The following SMARCA2 variants were observed in gnomAD, a reference collection of about 807,000 sequenced individuals.
SMARCA2 encodes the protein SWI/SNF related BAF chromatin remodeling complex subunit ATPase 2, also known as SWI/SNF-related matrix-associated actin-dependent regulator of chromatin subfamily A member 2.
A neutral mutation model predicts 199.8 loss-of-function variants in SMARCA2; 61 were observed. That is an observed-to-expected ratio of 0.31 (90% CI 0.25 to 0.38). The LOEUF (loss-of-function observed/expected upper bound fraction) is 0.38, where lower values mean the gene tolerates loss of function less well. Among genes scored for constraint, SMARCA2 ranks in the 10% least tolerant of loss-of-function variants. The pLI, the probability that SMARCA2 is intolerant of heterozygous loss-of-function variation, is 1.00. For synonymous variants in SMARCA2, 935 were observed against 732.0 expected, an observed-to-expected ratio of 1.28 and a Z score of -4.48; for missense variants, 1,344 against 2,012.2, an observed-to-expected ratio of 0.67 and a Z score of 6.35.
At chr9:2,018,562 A>C (rs573551400) in intron 1 of SMARCA2, among the ~76,000 whole-genome samples, 1 of 152,234 alleles carries the variant, frequency 6.6e-6, no homozygotes, top group Non-Finnish European at 1.5e-5. Flanking sequence ...GGTTATTTTT[A>C]ACATTTCTGC....
chr9:2,154,631 A>G (rs1335021554), intron 27 of SMARCA2, among the ~76,000 whole-genome samples: 1 of 152,226 alleles, frequency 6.6e-6, no homozygotes, highest in East Asian at 1.9e-4. Context: ...GGCCTATCCC[A>G]GGGAAGCCCA....
At chr9:2,144,283 G>A (rs780872656) in intron 27 of SMARCA2, among the ~76,000 whole-genome samples, 23 of 152,146 alleles carry the variant, frequency 1.5e-4, no homozygotes, top group Admixed American at 6.5e-4. Flanking sequence ...GGAAACAGTT[G>A]TGTTTCTGTT....
At chr9:2,142,466 T>C (rs1824510774) in intron 27 of SMARCA2, among the ~76,000 whole-genome samples, 1 of 152,160 alleles carries the variant, frequency 6.6e-6, no homozygotes. Context: ...CTCTCCTGAT[T>C]TCTCAGAAGG....
intron 8 of SMARCA2, among the ~76,000 whole-genome samples, chr9:2,059,494 T>C (rs79221613): frequency 2.1e-4 from 32 of 152,324 alleles, no homozygotes; most frequent in Non-Finnish European, 3.8e-4. Context: ...ATTTGATCAC[T>C]AAGCAGTCAA....
chr9:2,115,917 C>T lies in SMARCA2; in HGVS notation c.3552C>T (p.Ile1184=), dbSNP rs1473917937. The change falls in exon 25 of 34, where the codon ATC becomes ATT. Residue 1184 remains isoleucine (I), a synonymous_variant. Coordinates refer to ENST00000349721, the MANE Select transcript of SMARCA2 (RefSeq NM_003070.5). This position sits in a 1 kb window ranked among gnomAD's most constrained non-coding sequence, Gnocchi z 6.0. ...CCGTGAACAGCGTGGAGGAAAAGAT[C>T]CTCGCGGCCGCAAAATACAAGCTGA... The part of the protein sequence containing the change: ...LCTVNSVEEK[I]LAAAKYKLNV... The T allele has an allele frequency of 1.2e-6, 2 of 1,614,064 alleles. No individual in the cohort carries two copies. The highest frequency in any genetic ancestry group is 1.1e-5 in the South Asian group (1 of 91,072).
intron 27 of SMARCA2, among the ~76,000 whole-genome samples, chr9:2,140,540 C>A (rs529026761): frequency 1.3e-5 from 2 of 152,148 alleles, no homozygotes; most frequent in African/African-American, 4.8e-5. Context: ...ATCACAACCC[C>A]CAAACGCCTG....
chr9:2,028,994 C>G lies in SMARCA2; in HGVS notation c.-29C>G, dbSNP rs1363531090. 1 of 1,546,510 alleles carries G rather than the reference C, an allele frequency of 6.5e-7. No homozygotes were observed. The highest frequency in any genetic ancestry group is 8.7e-7 in the Non-Finnish European group (1 of 1,146,300). ...TTCTGCTTTTCAACTTAGCATTACTCTACTGACTGGCAGAGACAGGAGAGG... is the reference window on the plus strand; with the variant it reads ...TTCTGCTTTTCAACTTAGCATTACTGTACTGACTGGCAGAGACAGGAGAGG... On this transcript the variant is annotated 5_prime_UTR_variant, in exon 2 of 34. Transcript: ENST00000349721.
At chr9:2,026,972 G>C (rs1331560294) in intron 1 of SMARCA2, among the ~76,000 whole-genome samples, 20 of 152,108 alleles carry the variant, frequency 1.3e-4, no homozygotes, top group Admixed American at 7.2e-4. Context: ...ACTTGTACTG[G>C]GTTCCCTTAG....
chr9:2,160,149 G>A (rs1039322945), intron 27 of SMARCA2: 1 of 507,194 alleles, frequency 2.0e-6, no homozygotes, highest in Non-Finnish European at 3.5e-6. Flanking sequence ...GCTGCAGTGT[G>A]TTTAGCTGTA....
chr9:2,192,912 CACACAT>C lies in SMARCA2; in HGVS notation c.*179_*184del, dbSNP rs1420299036. On this transcript the variant is annotated 3_prime_UTR_variant, in exon 34 of 34. Transcript: ENST00000349721. ...ATATGATATCATGGTGTAAAAAACACACACATACACAAATATTTGTAACATATTGTG... is the reference window on the plus strand; with the variant it reads ...ATATGATATCATGGTGTAAAAAACACACACAAATATTTGTAACATATTGTG... 1 of 573,072 alleles carries C rather than the reference CACACAT, an allele frequency of 1.7e-6. No individual in the cohort carries two copies. Among genetic ancestry groups the C allele is most frequent in the Admixed American group, 3.3e-5 (1 of 29,870 alleles). The allele number at this position is 573,072 out of a possible 1,614,324, so 35.5% of individuals were successfully genotyped here. A position where few individuals can be genotyped will look rare whatever the true frequency, so the allele number is the denominator to read the frequency against.
chr9:2,031,697 T>G (rs566281815), intron 2 of SMARCA2, among the ~76,000 whole-genome samples: 5 of 152,282 alleles, frequency 3.3e-5, no homozygotes, highest in Non-Finnish European at 5.9e-5. Flanking sequence ...ATTCTGTGAG[T>G]TTTGCATTTT....
intron 31 of SMARCA2, among the ~76,000 whole-genome samples, chr9:2,183,638 G>A (rs62536680): frequency 2.6e-5 from 4 of 151,626 alleles, no homozygotes; most frequent in African/African-American, 4.8e-5. Context: ...ATCAAACAAA[G>A]GAATAGAGAA....
At chr9:2,166,734 G>A (rs1276380328) in intron 28 of SMARCA2, among the ~76,000 whole-genome samples, 1 of 152,156 alleles carries the variant, frequency 6.6e-6, no homozygotes, top group African/African-American at 2.4e-5. Flanking sequence ...AATCACTTCA[G>A]GTTGACATGA....
intron 19 of SMARCA2, 182 bp from the exon 20 acceptor site, chr9:2,096,475 C>T (rs1345353685): frequency 1.9e-6 from 1 of 530,322 alleles, no homozygotes; most frequent in African/African-American, 1.9e-5. Flanking sequence ...CATAATGGTA[C>T]CTTGAACAAT....
intron 27 of SMARCA2, among the ~76,000 whole-genome samples, chr9:2,139,451 A>G (rs1824362538): frequency 1.3e-5 from 2 of 152,200 alleles, no homozygotes; most frequent in South Asian, 4.1e-4. Flanking sequence ...AGTCACCAAC[A>G]CTGGTGTGAT....
At chr9:2,139,215 A>C (rs1407071336) in intron 27 of SMARCA2, among the ~76,000 whole-genome samples, 1 of 152,216 alleles carries the variant, frequency 6.6e-6, no homozygotes, top group Admixed American at 6.5e-5. Context: ...CGGTAAAGAA[A>C]GAGTTTAATT....
Position 2,082,305 on chromosome 9 carries a change from A to AGG in SMARCA2, c.2348+311_2348+312dup, listed in dbSNP as rs200912471. 0.12 allele frequency among the ~76,000 whole-genome samples: 14,249 copies of AGG among 114,178 alleles called. 740 individuals are homozygous for AGG. Among genetic ancestry groups the AGG allele is most frequent in the East Asian group, 0.25 (971 of 3,856 alleles). 74.9% of individuals were successfully genotyped at this position (114,178 alleles called of 152,430 possible). A position where few individuals can be genotyped will look rare whatever the true frequency, so the allele number is the denominator to read the frequency against. The stretch of plus-strand genomic sequence containing the variant: ...TCCTTAAGTGGCTCACAAAGGGGAA[A>AGG]GGTGTGTGTGTGTGTGTGTGTGTGT... On this transcript the variant is annotated intron_variant, in intron 15 of 33. Coordinates refer to ENST00000349721, the MANE Select transcript of SMARCA2 (RefSeq NM_003070.5).
At chr9:2,155,633 C>G (rs915133009) in intron 27 of SMARCA2, among the ~76,000 whole-genome samples, 1 of 150,844 alleles carries the variant, frequency 6.6e-6, no homozygotes. Context: ...TATTAATTGA[C>G]CTTGTCTCAG....
At chr9:2,091,970 G>T (rs1301121118) in intron 19 of SMARCA2, among the ~76,000 whole-genome samples, 1 of 152,148 alleles carries the variant, frequency 6.6e-6, no homozygotes, top group Admixed American at 6.5e-5. Flanking sequence ...TTGGTCTAAT[G>T]AAACACTTAA....
Sources: allele counts gnomAD v4.1 joint callset (sites outside exome capture counted in the v4.1 genomes callset), GRCh38; gene constraint gnomAD v4.1.1; non-coding constraint Gnocchi (gnomAD v3.1); transcripts MANE v1.5; gene names NCBI Gene and HGNC (gene_info 2026-07-23, HGNC 2026-07-21).